LRP2: variants seen among roughly 807,000 people sequenced by gnomAD.
LRP2 encodes the protein LDL receptor related protein 2, also known as low-density lipoprotein receptor-related protein 2.
A neutral mutation model predicts 531.0 loss-of-function variants in LRP2; 172 were observed. The observed-to-expected ratio is 0.32, with a 90% confidence interval of 0.29 to 0.37. The LOEUF (loss-of-function observed/expected upper bound fraction) is 0.37. Among genes scored for constraint, LRP2 ranks in the 10% least tolerant of loss-of-function variants. The pLI is 1.00. For synonymous variants in LRP2, 1,992 were observed against 2,027.6 expected (o/e 0.98, Z 0.47); for missense variants, 5,167 against 5,868.3 (o/e 0.88, Z 3.90).
In LRP2 at chr2:169,176,557, G is replaced by C. The variant is rs765114054; in HGVS notation, c.10425C>G (p.Gly3475=). The change falls in exon 54 of 79, where the codon GGC becomes GGG. Residue 3475 remains glycine (G), a synonymous_variant. Transcript: ENST00000649046. ...GCTTGATGAGGCAGAGATGAGAACA[G>C]CCACCATTGTTGGTACCACAGGGAT... ...VSNPCGTNNG[G]CSHLCLIKPG... The C allele has an allele frequency of 1.9e-6, 3 of 1,614,126 alleles. No individual in the cohort carries two copies. The highest frequency in any genetic ancestry group is 2.5e-6 in the Non-Finnish European group (3 of 1,180,016).
chr2:169,228,180 G>A (rs1689267960), intron 31 of LRP2, among the ~76,000 whole-genome samples: 1 of 151,884 alleles, frequency 6.6e-6, no homozygotes, highest in Non-Finnish European at 1.5e-5. Flanking sequence ...CAATTTAAAC[G>A]AGGTCACACA....
At chr2:169,237,070 T>C in intron 28 of LRP2, 33 bp downstream of exon 28, 1 of 1,567,294 alleles carries the variant, frequency 6.4e-7, no homozygotes, top group Non-Finnish European at 8.8e-7. Context: ...CATAACCATG[T>C]CAAGGCAACA....
rs1308637930 is a variant in LRP2, at chr2:169,152,849, T to C, written c.12411A>G (p.Lys4137=). The change falls in exon 67 of 79, where the codon AAA becomes AAG. Residue 4137 remains lysine (K), a synonymous_variant. Coordinates refer to ENST00000649046, the MANE Select transcript of LRP2 (RefSeq NM_004525.3). ...CATCTGGCTGCATTACGTATTTCAG[T>C]TTCAGGTCAACTTCCTGCACAAGAT... is the stretch of plus-strand genomic sequence containing the variant. ...RNNLVQEVDL[K]LKYVMQPDGI... is the part of the protein sequence containing the mutation. The C allele has an allele frequency of 1.2e-6, 2 of 1,614,066 alleles. No homozygotes were observed. The highest frequency in any genetic ancestry group is 3.3e-5 in the Admixed American group (2 of 60,008).
At chr2:169,336,933 G>C (rs76985784) in intron 1 of LRP2, among the ~76,000 whole-genome samples, 22 of 152,268 alleles carry the variant, frequency 1.4e-4, no homozygotes, top group African/African-American at 4.8e-4. Context: ...ACAAAGTTTG[G>C]TGGGTAAGGT....
At chr2:169,321,570 T>A (rs1211214699) in intron 1 of LRP2, among the ~76,000 whole-genome samples, 1 of 152,156 alleles carries the variant, frequency 6.6e-6, no homozygotes, top group African/African-American at 2.4e-5. Context: ...CTTGAGTTCC[T>A]CACCTTATTT....
At chr2:169,290,446 T>C (rs1683971296) in intron 8 of LRP2, among the ~76,000 whole-genome samples, 1 of 152,070 alleles carries the variant, frequency 6.6e-6, no homozygotes, top group Admixed American at 6.5e-5. Context: ...ATTGTTAGGC[T>C]CTTCCCATCA....
intron 72 of LRP2, 156 bp from the exon 73 acceptor site, chr2:169,139,766 A>G (rs997182309): frequency 1.9e-5 from 14 of 729,888 alleles, no homozygotes; most frequent in Admixed American, 1.2e-4. Flanking sequence ...TTCTGCCAAG[A>G]GAAGACAAGC....
intron 22 of LRP2, among the ~76,000 whole-genome samples, chr2:169,243,934 A>C (rs1041772897): frequency 6.6e-6 from 1 of 152,150 alleles, no homozygotes; most frequent in Non-Finnish European, 1.5e-5. Flanking sequence ...AGACCCCCAA[A>C]ACTGGATTTA....
At chr2:169,265,340 A>T (rs945121411) in intron 16 of LRP2, among the ~76,000 whole-genome samples, 1 of 152,104 alleles carries the variant, frequency 6.6e-6, no homozygotes, top group African/African-American at 2.4e-5. Context: ...GAAGCTCACC[A>T]GCTGACAAGG....
chr2:169,209,616 C>T lies in LRP2; in HGVS notation c.6306G>A (p.Val2102=). The T allele has an allele frequency of 6.2e-7, 1 of 1,614,060 alleles. No individual in the cohort carries two copies. Among genetic ancestry groups the T allele is most frequent in the Non-Finnish European group, 8.5e-7 (1 of 1,179,984 alleles). The change falls in exon 38 of 79, where the codon GTG becomes GTA. Residue 2102 remains valine, a synonymous_variant. Coordinates refer to ENST00000649046, the MANE Select transcript of LRP2 (RefSeq NM_004525.3). ...AATAAATAAAGCCAGAGGACACATC[C>T]ACATCCACATGCAGTGCGTTTCGTC... ...GQGRNALHVD[V]DVSSGFIYWC...
chr2:169,267,062 C>T (rs995242122), intron 16 of LRP2, among the ~76,000 whole-genome samples: 47 of 151,128 alleles, frequency 3.1e-4, no homozygotes, highest in Non-Finnish European at 5.2e-4. Flanking sequence ...TAATTTTTTT[C>T]TTTTTTTGGT....
At chr2:169,259,760 G>A (rs562338897) in intron 16 of LRP2, among the ~76,000 whole-genome samples, 3 of 149,218 alleles carry the variant, frequency 2.0e-5, no homozygotes, top group African/African-American at 7.4e-5. Context: ...AAAAAAAAAC[G>A]CTTTCCTCTT....
chr2:169,236,085 G>A lies in LRP2; in HGVS notation c.4692-17C>T, dbSNP rs1559032836. ...AGATGCTCACTGGGAAAGGAAATGAGTTACCAATTGGAGGGGACGTATTTA... is the reference window on the plus strand; with the variant it reads ...AGATGCTCACTGGGAAAGGAAATGAATTACCAATTGGAGGGGACGTATTTA... On this transcript the variant is annotated splice_polypyrimidine_tract_variant and intron_variant, in intron 28 of 78. Transcript: ENST00000649046. 4 of 1,569,432 alleles carry A rather than the reference G, an allele frequency of 2.5e-6. No homozygotes were observed. The highest frequency in any genetic ancestry group is 2.3e-5 in the East Asian group (1 of 44,322).
chr2:169,275,259 A>G (rs756821622), intron 13 of LRP2, 21 bp from the exon 14 acceptor site: 2 of 1,577,546 alleles, frequency 1.3e-6, no homozygotes, highest in East Asian at 2.3e-5. Flanking sequence ...AGACACATAT[A>G]TATCATACAA....
intron 16 of LRP2, among the ~76,000 whole-genome samples, chr2:169,264,251 T>C (rs1690700949): frequency 1.3e-5 from 2 of 151,414 alleles, no homozygotes; most frequent in Non-Finnish European, 2.9e-5. Context: ...TAATAATAAA[T>C]AAATAAATAA....
chr2:169,285,148 A>T (rs1169030074), intron 9 of LRP2, among the ~76,000 whole-genome samples: 1 of 123,212 alleles, frequency 8.1e-6, no homozygotes, highest in South Asian at 2.5e-4. Context: ...ATGTGTACTA[A>T]GAATTAAAAA....
chr2:169,145,495 GA>G (rs1685874163), intron 70 of LRP2, among the ~76,000 whole-genome samples: 1 of 152,180 alleles, frequency 6.6e-6, no homozygotes, highest in South Asian at 2.1e-4. Context: ...TCCAAACAAT[GA>G]TGAGGGCTAA....
At chr2:169,336,338 C>T (rs1266776701) in intron 1 of LRP2, among the ~76,000 whole-genome samples, 1 of 151,738 alleles carries the variant, frequency 6.6e-6, no homozygotes, top group African/African-American at 2.4e-5. Context: ...AGGAGTTCAA[C>T]ACCAGCCTGG....
intron 77 of LRP2, among the ~76,000 whole-genome samples, chr2:169,131,458 T>C (rs1212586780): frequency 4.6e-5 from 7 of 152,198 alleles, no homozygotes; most frequent in Non-Finnish European, 7.3e-5. Flanking sequence ...TCAATGTTTA[T>C]AGACTATGAA....
Sources: allele counts gnomAD v4.1 joint callset (sites outside exome capture counted in the v4.1 genomes callset), GRCh38; gene constraint gnomAD v4.1.1; transcripts MANE v1.5; gene names NCBI Gene and HGNC (gene_info 2026-07-23, HGNC 2026-07-21).